Variants in TMEM63B observed in about 807,000 individuals in gnomAD.
TMEM63B encodes the protein transmembrane protein 63B, also known as mechanosensitive cation channel TMEM63B.
In TMEM63B, 23 loss-of-function variants were observed where a neutral mutation model predicts 102.6. That is an observed-to-expected ratio of 0.22 (90% confidence interval 0.16 to 0.32). TMEM63B has a LOEUF of 0.32. Among genes scored for constraint, TMEM63B ranks in the 10% least tolerant of loss-of-function variants. The pLI is 1.00. For synonymous variants in TMEM63B, 444 were observed against 437.0 expected (o/e 1.02, Z -0.20); for missense variants, 628 against 1,095.9 (o/e 0.57, Z 6.03).
At position 44,148,471 on chromosome 6, in the gene TMEM63B, G is replaced by A; in HGVS notation, c.1122-42G>A. 6.2e-7 allele frequency: 1 copy of A among 1,612,570 alleles called. No homozygotes were observed. Among genetic ancestry groups the A allele is most frequent in the Non-Finnish European group, 8.5e-7 (1 of 1,178,888 alleles). On this transcript the variant is annotated intron_variant, in intron 13 of 23. Coordinates refer to ENST00000323267, the MANE Select transcript of TMEM63B (RefSeq NM_018426.3). The surrounding 1 kb of genome is among the most constrained non-coding windows in gnomAD (Gnocchi z 5.1). ...CTCATGGCCTTCTGCCAGCAGTGTGGCCTCCAGGTGGGCCTGTGGTAACCA... is the reference window on the plus strand; with the variant it reads ...CTCATGGCCTTCTGCCAGCAGTGTGACCTCCAGGTGGGCCTGTGGTAACCA...
In TMEM63B at chr6:44,148,980, G is replaced by A. The variant is rs183892519; in HGVS notation, c.1413+35G>A. On this transcript the variant is annotated intron_variant, in intron 15 of 23. Coordinates refer to ENST00000323267, the MANE Select transcript of TMEM63B (RefSeq NM_018426.3). This position sits in a 1 kb window ranked among gnomAD's most constrained non-coding sequence, Gnocchi z 5.1. ...CATGCCCCTGTCACTTTCCACGCTGGGTCACAACACACAGATACCAGGCCC... is the reference window on the plus strand; with the variant it reads ...CATGCCCCTGTCACTTTCCACGCTGAGTCACAACACACAGATACCAGGCCC... The A allele has an allele frequency of 3.1e-6, 5 of 1,613,756 alleles. No homozygotes were observed. The highest frequency in any genetic ancestry group is 3.3e-5 in the Admixed American group (2 of 60,002).
At chr6:44,147,959 C>CA (rs1316057683) in intron 12 of TMEM63B, among the ~76,000 whole-genome samples, 11 of 152,064 alleles carry the variant, frequency 7.2e-5, no homozygotes, top group Non-Finnish European at 1.5e-4. Flanking sequence ...CTGATCTCTA[C>CA]AAAAAATACA....
intron 21 of TMEM63B, 21 bp downstream of exon 21, chr6:44,153,864 G>C: frequency 6.2e-7 from 1 of 1,608,244 alleles, no homozygotes; most frequent in Non-Finnish European, 8.5e-7. Flanking sequence ...CCTACCCAGG[G>C]AACGGGGGGT....
chr6:44,153,467 T>C (rs1407231773), intron 20 of TMEM63B, among the ~76,000 whole-genome samples: 1 of 152,226 alleles, frequency 6.6e-6, no homozygotes, highest in Non-Finnish European at 1.5e-5. Context: ...GTAGAATTCC[T>C]GATGAGGAGA....
At chr6:44,138,363 TGAGG>T in intron 5 of TMEM63B, 113 bp from the exon 6 acceptor site, 1 of 1,282,346 alleles carries the variant, frequency 7.8e-7, no homozygotes, top group Middle Eastern at 2.5e-4. Context: ...TTTTTTTTAG[TGAGG>T]GGTGTGGAAG....
At chr6:44,130,467 CTCTG>C (rs1778045712) in intron 1 of TMEM63B, among the ~76,000 whole-genome samples, 1 of 149,044 alleles carries the variant, frequency 6.7e-6, no homozygotes, top group Non-Finnish European at 1.5e-5. Flanking sequence ...TAGACACGGT[CTCTG>C]TCTGTCGCCC....
Position 44,135,025 on chromosome 6 carries a change from G to C in TMEM63B, c.168G>C (p.Leu56=). The change falls in exon 3 of 24, where the codon CTG becomes CTC. Residue 56 remains leucine, a synonymous_variant. Transcript: ENST00000323267. The part of the protein sequence containing the change: ...ALDFMCFLAL[L]FLFSILRKVA... ...GCCCCCTCTTCCCTCAGGCACTGCT[G>C]TTCTTATTCTCTATCCTCCGGAAGG... 1 of 1,614,238 alleles carries C rather than the reference G, an allele frequency of 6.2e-7. No homozygotes were observed.
At position 44,150,451 on chromosome 6, in the gene TMEM63B, A is replaced by G; in HGVS notation, c.1608-113A>G. 1 of 1,469,190 alleles carries G rather than the reference A, an allele frequency of 6.8e-7. No individual in the cohort carries two copies. 91.0% of individuals were successfully genotyped at this position (1,469,190 alleles called of 1,614,324 possible). A position where few individuals can be genotyped will look rare whatever the true frequency, so the allele number is the denominator to read the frequency against. On this transcript the variant is annotated intron_variant, in intron 17 of 23. Coordinates refer to ENST00000323267, the MANE Select transcript of TMEM63B (RefSeq NM_018426.3). This position sits in a 1 kb window ranked among gnomAD's most constrained non-coding sequence, Gnocchi z 4.7. ...TGGCCACCCCCAGGCCTCCTGAGCTACCCACCCCATGTCTGGGAGTCTCCC... is the reference window on the plus strand; with the variant it reads ...TGGCCACCCCCAGGCCTCCTGAGCTGCCCACCCCATGTCTGGGAGTCTCCC...
chr6:44,153,680 C>T lies in TMEM63B; in HGVS notation c.1947C>T (p.Leu649=), dbSNP rs1561826959. The T allele has an allele frequency of 6.2e-7, 1 of 1,613,674 alleles. No homozygotes were observed. The highest frequency in any genetic ancestry group is 2.2e-5 in the East Asian group (1 of 44,884). Residue 649 remains leucine, a synonymous_variant, in exon 21 of 24, where the codon CTC becomes CTT. Transcript: ENST00000323267. ...ITCPIIVPFG[L]MYMLLKHLVD... is the part of the protein sequence containing the mutation. Reference sequence around the variant, plus strand: ...GGCCCATGTGGCTTCCCTTAGGGCTCATGTACATGCTGCTGAAGCACCTGG... The same window carrying T: ...GGCCCATGTGGCTTCCCTTAGGGCTTATGTACATGCTGCTGAAGCACCTGG...
intron 1 of TMEM63B, among the ~76,000 whole-genome samples, chr6:44,130,203 C>T (rs1777998408): frequency 6.6e-6 from 1 of 152,190 alleles, no homozygotes; most frequent in African/African-American, 2.4e-5. Context: ...TGGTTAAGAG[C>T]ATACACTCGA....
At chr6:44,151,704 G>T (rs1278368003) in intron 18 of TMEM63B, 142 bp from the exon 19 acceptor site, 2 of 962,304 alleles carry the variant, frequency 2.1e-6, no homozygotes, top group Non-Finnish European at 3.1e-6. Context: ...CAGGGCACAG[G>T]TGCTTGGGGC....
At chr6:44,133,565 G>A (rs1478346877) in intron 1 of TMEM63B, among the ~76,000 whole-genome samples, 1 of 152,150 alleles carries the variant, frequency 6.6e-6, no homozygotes, top group Non-Finnish European at 1.5e-5. Flanking sequence ...CCGCTATCCT[G>A]GGATCCTCCC....
At chr6:44,145,566 C>T (rs181931499) in intron 10 of TMEM63B, among the ~76,000 whole-genome samples, 87 of 151,990 alleles carry the variant, frequency 5.7e-4, no homozygotes, top group Admixed American at 4.3e-3. Context: ...CATTCTAGCC[C>T]GGGTGACAGA....
intron 10 of TMEM63B, among the ~76,000 whole-genome samples, chr6:44,143,154 T>G (rs1026060599): frequency 3.3e-5 from 5 of 152,236 alleles, no homozygotes; most frequent in African/African-American, 1.2e-4. Flanking sequence ...AGAGTGAACA[T>G]CTATCTGGTC....
Position 44,148,862 on chromosome 6 carries a change from C to G in TMEM63B, c.1330C>G (p.Leu444Val). 6.2e-7 allele frequency: 1 copy of G among 1,614,104 alleles called. No homozygotes were observed. The highest frequency in any genetic ancestry group is 8.5e-7 in the Non-Finnish European group (1 of 1,180,002). Residue 444 changes from leucine to valine, a missense_variant, in exon 15 of 24, where the codon CTC becomes GTC. Around this residue, in one of 6 missense-constraint regions of TMEM63B, gnomAD observed 336 missense variants for 580.3 expected, o/e 0.58. Transcript: ENST00000323267. The surrounding 1 kb of genome is among the most constrained non-coding windows in gnomAD (Gnocchi z 5.1). ...GGTCATCAATGTCGTCCTCTTCATC[C>G]TCCTCTTCTTCCTCACCACTCCAGC... ...CLVINVVLFI[L>V]LFFLTTPAII...
Position 44,147,442 on chromosome 6 carries a change from T to G in TMEM63B, c.929T>G (p.Met310Arg). ...CAGAGCAAGGAGAACGTGCCTACCATGATCAACCCCAAGCCCTGTGGCCAC... is the reference window on the plus strand; with the variant it reads ...CAGAGCAAGGAGAACGTGCCTACCAGGATCAACCCCAAGCCCTGTGGCCAC... ...NLQSKENVPT[M>R]INPKPCGHLC... Residue 310 changes from methionine (M) to arginine (R), a missense_variant, in exon 12 of 24, where the codon ATG (methionine) becomes AGG (arginine). Met to Arg is a moderately conservative substitution (Grantham distance 91, BLOSUM62 -1). Around this residue, in one of 6 missense-constraint regions of TMEM63B, gnomAD observed 336 missense variants for 580.3 expected, o/e 0.58. Coordinates refer to ENST00000323267, the MANE Select transcript of TMEM63B (RefSeq NM_018426.3). 1 of 1,614,170 alleles carries G rather than the reference T, an allele frequency of 6.2e-7. No homozygotes were observed. The highest frequency in any genetic ancestry group is 1.7e-5 in the Admixed American group (1 of 60,022).
intron 1 of TMEM63B, 145 bp from the exon 2 acceptor site, chr6:44,134,416 C>A (rs1203606413): frequency 1.3e-6 from 1 of 781,020 alleles, no homozygotes. Flanking sequence ...TCTCCCCTCC[C>A]TAGGCCCTTA....
chr6:44,148,993 A>C lies in TMEM63B; in HGVS notation c.1413+48A>C. On this transcript the variant is annotated intron_variant, in intron 15 of 23. Coordinates refer to ENST00000323267, the MANE Select transcript of TMEM63B (RefSeq NM_018426.3). The surrounding 1 kb of genome is among the most constrained non-coding windows in gnomAD (Gnocchi z 5.1). ...CTTTCCACGCTGGGTCACAACACACAGATACCAGGCCCTGATCCCTCTTCC... is the reference window on the plus strand; with the variant it reads ...CTTTCCACGCTGGGTCACAACACACCGATACCAGGCCCTGATCCCTCTTCC... The C allele has an allele frequency of 6.2e-7, 1 of 1,613,484 alleles. No individual in the cohort carries two copies. Among genetic ancestry groups the C allele is most frequent in the Non-Finnish European group, 8.5e-7 (1 of 1,179,896 alleles).
chr6:44,154,666 TG>T, intron 23 of TMEM63B, 25 bp from the exon 24 acceptor site: 6 of 1,515,032 alleles, frequency 4.0e-6, no homozygotes, highest in Non-Finnish European at 5.3e-6. Context: ...CTGTTCACCT[TG>T]CCCCCATTTC....
Sources: gnomAD v4.1 joint callset for allele counts (sites outside exome capture counted in the v4.1 genomes callset) on GRCh38, gnomAD v4.1.1 for gene constraint, gnomAD v4.1.1 regional missense constraint, Gnocchi (gnomAD v3.1) non-coding constraint, MANE v1.5 for transcripts, NCBI Gene and HGNC (gene_info 2026-07-23, HGNC 2026-07-21) for gene names.